Variants in THSD4 observed in about 807,000 individuals in gnomAD.
THSD4 encodes thrombospondin type-1 domain-containing protein 4.
Under a neutral mutation model 119.0 loss-of-function variants are expected in THSD4, and 69 were observed. That is an observed-to-expected ratio of 0.58 (90% CI 0.48 to 0.71). The LOEUF (loss-of-function observed/expected upper bound fraction) is 0.71, where lower values mean the gene tolerates loss of function less well. THSD4 is among the 30% of genes least tolerant of loss of function. THSD4 has a pLI of 0.00. For missense variants in THSD4, 1,393 were observed against 1,391.1 expected (o/e 1.00, Z -0.02); for synonymous variants, 524 against 540.4 (o/e 0.97, Z 0.42).
intron 4 of THSD4, among the ~76,000 whole-genome samples, chr15:71,220,103 A>G (rs766758503): frequency 4.6e-5 from 7 of 152,074 alleles, no homozygotes; most frequent in Non-Finnish European, 7.3e-5. Context: ...AAAAAAAATT[A>G]GAAGTCACAG....
At chr15:71,312,536 C>A (rs1035558759) in intron 6 of THSD4, among the ~76,000 whole-genome samples, 1 of 152,068 alleles carries the variant, frequency 6.6e-6, no homozygotes, top group Admixed American at 6.6e-5. Flanking sequence ...TCTTGGACTT[C>A]CAGCCTCCAG....
chr15:71,214,591 G>T (rs2043914727), intron 3 of THSD4, among the ~76,000 whole-genome samples: 1 of 152,252 alleles, frequency 6.6e-6, no homozygotes, highest in African/African-American at 2.4e-5. Flanking sequence ...CTAGGAAGTG[G>T]TGGCAGGGGT....
chr15:71,099,464 A>G (rs2040245008), intron 1 of THSD4, among the ~76,000 whole-genome samples: 1 of 152,176 alleles, frequency 6.6e-6, no homozygotes, highest in Admixed American at 6.5e-5. Context: ...AGGTATACAT[A>G]CATTTAGGAT....
chr15:71,755,505 T>A (rs1333743768), intron 14 of THSD4, among the ~76,000 whole-genome samples: 1 of 151,682 alleles, frequency 6.6e-6, no homozygotes, highest in Admixed American at 6.6e-5. Context: ...CCAGAAACCC[T>A]TAGAAAGGGC....
intron 1 of THSD4, among the ~76,000 whole-genome samples, chr15:71,130,750 A>G (rs2040496114): frequency 6.6e-6 from 1 of 152,040 alleles, no homozygotes. Context: ...AATGTTATTT[A>G]TTTAATTTTT....
chr15:71,191,056 T>C (rs968424433), intron 3 of THSD4, among the ~76,000 whole-genome samples: 1 of 152,202 alleles, frequency 6.6e-6, no homozygotes, highest in Admixed American at 6.5e-5. Flanking sequence ...TTGATCACTC[T>C]CTCTGTTCCT....
chr15:71,285,276 G>A (rs12913078), intron 6 of THSD4, among the ~76,000 whole-genome samples: 107,149 of 152,038 alleles, frequency 0.7, 38,010 homozygotes, highest in East Asian at 0.86. Context: ...CTAATATAAA[G>A]CCTCCCAGCC....
At chr15:71,469,354 T>C (rs149356741) in intron 7 of THSD4, among the ~76,000 whole-genome samples, 1 of 152,320 alleles carries the variant, frequency 6.6e-6, no homozygotes, top group East Asian at 1.9e-4. Flanking sequence ...CAAGTTGTAG[T>C]TGACTTAACA....
chr15:71,378,000 AGTT>A (rs1395612892), intron 6 of THSD4, among the ~76,000 whole-genome samples: 2 of 152,122 alleles, frequency 1.3e-5, no homozygotes, highest in Non-Finnish European at 2.9e-5. Context: ...TTATAGGCTT[AGTT>A]GTTCAAGGCT....
intron 8 of THSD4, among the ~76,000 whole-genome samples, chr15:71,668,937 G>T (rs1004248815): frequency 6.6e-6 from 1 of 152,096 alleles, no homozygotes; most frequent in East Asian, 1.9e-4. Flanking sequence ...AAAACTTAAA[G>T]GTTCTCTAAC....
intron 8 of THSD4, among the ~76,000 whole-genome samples, chr15:71,703,974 C>T (rs960802094): frequency 6.6e-6 from 1 of 152,196 alleles, no homozygotes; most frequent in Non-Finnish European, 1.5e-5. Context: ...CTCAGCCTCC[C>T]GAGTAGCTGG....
intron 8 of THSD4, among the ~76,000 whole-genome samples, chr15:71,724,438 A>G (rs1159862856): frequency 6.6e-6 from 1 of 151,020 alleles, no homozygotes; most frequent in African/African-American, 2.4e-5. Flanking sequence ...GGTGCCCACC[A>G]CCACGCCCAG....
chr15:71,097,103 T>A (rs1032484604), intron 1 of THSD4: 1 of 152,222 alleles, frequency 6.6e-6, no homozygotes, highest in African/African-American at 2.4e-5. Context: ...TAAAGTCACA[T>A]TTGTCAAAAT....
intron 1 of THSD4, among the ~76,000 whole-genome samples, chr15:71,107,951 T>C (rs1226135513): frequency 6.6e-6 from 1 of 152,204 alleles, no homozygotes; most frequent in Admixed American, 6.5e-5. Context: ...TATTATTTTT[T>C]CCTGAATCAC....
upstream of THSD4, chr15:71,115,442 C>G (rs1457868581): frequency 2.0e-5 from 3 of 152,122 alleles, no homozygotes; most frequent in African/African-American, 7.2e-5. This position sits in a 1 kb window ranked among gnomAD's most constrained non-coding sequence, Gnocchi z 4.4. Context: ...GAGGAAGGAC[C>G]GAGGGAGCGC....
chr15:71,473,885 G>GC (rs2047620236), intron 7 of THSD4, among the ~76,000 whole-genome samples: 1 of 152,202 alleles, frequency 6.6e-6, no homozygotes, highest in Non-Finnish European at 1.5e-5. Flanking sequence ...TTACTTACCA[G>GC]CCCAGGTCCT....
At chr15:71,479,092 T>G (rs75753070) in intron 7 of THSD4, among the ~76,000 whole-genome samples, 1 of 10,018 alleles carries the variant, frequency 1.0e-4, no homozygotes, top group Non-Finnish European at 2.6e-4. Context: ...GTATTTTTTT[T>G]TTTTTTTTTT....
intron 6 of THSD4, among the ~76,000 whole-genome samples, chr15:71,276,845 G>A (rs2044596013): frequency 6.6e-6 from 1 of 152,190 alleles, no homozygotes; most frequent in Admixed American, 6.5e-5. Flanking sequence ...GTAGCGGATT[G>A]TAATTTTTCA....
chr15:71,509,076 C>G (rs2048239090), intron 7 of THSD4, among the ~76,000 whole-genome samples: 1 of 151,862 alleles, frequency 6.6e-6, no homozygotes, highest in African/African-American at 2.4e-5. Flanking sequence ...TGGGTTTACT[C>G]ATACTCCTAC....
Sources: allele counts gnomAD v4.1 joint callset (sites outside exome capture counted in the v4.1 genomes callset), GRCh38; gene constraint gnomAD v4.1.1; non-coding constraint Gnocchi (gnomAD v3.1); transcripts MANE v1.5; gene names NCBI Gene and HGNC (gene_info 2026-07-23, HGNC 2026-07-21).